BRD4: variants seen among roughly 807,000 people sequenced by gnomAD.
BRD4 encodes the protein bromodomain containing 4.
In BRD4, 16 loss-of-function variants were observed where a neutral mutation model predicts 142.1. That is an observed-to-expected ratio of 0.11 (90% CI 0.08 to 0.17). The LOEUF (loss-of-function observed/expected upper bound fraction) is 0.17, where lower values mean the gene tolerates loss of function less well. Among genes scored for constraint, BRD4 ranks in the 10% least tolerant of loss-of-function variants. The probability of loss-of-function intolerance (pLI) is 1.00; values close to 1 mark genes in which losing one functional copy is unlikely to be tolerated. For missense variants in BRD4, 1,424 were observed against 1,810.9 expected (o/e 0.79, Z 3.88); for synonymous variants, 833 against 707.5 (o/e 1.18, Z -2.82).
At position 15,257,151 on chromosome 19, in the gene BRD4, G is replaced by T; in HGVS notation, c.1364C>A (p.Ala455Asp). ...KLQDVFEMRF[A>D]KMPDEPEEPV... ...CTCCTCAGGCTCGTCCGGCATCTTG[G>T]CAAAGCGCATTTCGAACACATCCTG... The change falls in exon 8 of 20, where the codon GCC (alanine) becomes GAC (aspartate). Residue 455 changes from alanine to aspartate, a missense_variant. Ala to Asp is a moderately radical substitution (Grantham distance 126). Around this residue, in one of 16 missense-constraint regions of BRD4, gnomAD observed 90 missense variants for 93.2 expected, o/e 0.97. Coordinates refer to ENST00000679869, the MANE Select transcript of BRD4 (RefSeq NM_001379291.1). 1 of 1,607,852 alleles carries T rather than the reference G, an allele frequency of 6.2e-7. No individual in the cohort carries two copies. Among genetic ancestry groups the T allele is most frequent in the South Asian group, 1.1e-5 (1 of 90,082 alleles).
intron 1 of BRD4, among the ~76,000 whole-genome samples, chr19:15,276,592 C>T (rs1296622255): frequency 1.3e-5 from 2 of 152,174 alleles, no homozygotes; most frequent in African/African-American, 4.8e-5. Flanking sequence ...AACCTGAAGG[C>T]AGGCTCATCT....
In BRD4 at chr19:15,307,674, G is replaced by C. The variant is rs897334965; in HGVS notation, c.-35+24616C>G. Among the ~76,000 whole-genome samples the C allele has an allele frequency of 7.2e-5, 11 of 152,102 alleles. 1 individual carries two copies. The highest frequency in any genetic ancestry group is 2.7e-4 in the African/African-American group (11 of 41,434). On this transcript the variant is annotated intron_variant, in intron 1 of 19. Coordinates refer to ENST00000679869, the MANE Select transcript of BRD4 (RefSeq NM_001379291.1). ...TGAGCACCTATAGTCCCAACTACTTGAGAGGCTGAGGAGGGAAGAGGATGT... is the reference window on the plus strand; with the variant it reads ...TGAGCACCTATAGTCCCAACTACTTCAGAGGCTGAGGAGGGAAGAGGATGT...
chr19:15,302,161 C>T (rs1217431396), intron 1 of BRD4, among the ~76,000 whole-genome samples: 3 of 149,536 alleles, frequency 2.0e-5, no homozygotes, highest in Admixed American at 2.0e-4. Flanking sequence ...AGTGGGACTT[C>T]ATCTCAAAAA....
chr19:15,254,007 T>C (rs1459358545), intron 11 of BRD4, 145 bp downstream of exon 11: 5 of 747,906 alleles, frequency 6.7e-6, no homozygotes, highest in Non-Finnish European at 1.1e-5. Flanking sequence ...GGGAGACAGT[T>C]AACAAAGAGA....
chr19:15,325,784 A>C (rs2048102240), intron 1 of BRD4, among the ~76,000 whole-genome samples: 1 of 152,046 alleles, frequency 6.6e-6, no homozygotes, highest in Admixed American at 6.6e-5. Context: ...GGATCACCTG[A>C]GGTCGGGAGT....
chr19:15,311,888 A>G (rs1250329022), intron 1 of BRD4, among the ~76,000 whole-genome samples: 1 of 152,224 alleles, frequency 6.6e-6, no homozygotes, highest in Non-Finnish European at 1.5e-5. Context: ...AAACTCATAG[A>G]AACAGAAAGT....
intron 1 of BRD4, among the ~76,000 whole-genome samples, chr19:15,287,678 C>G (rs542424244): frequency 6.6e-6 from 1 of 152,156 alleles, no homozygotes; most frequent in African/African-American, 2.4e-5. Context: ...AGGTACCCAG[C>G]GTGAGTGAAA....
Position 15,331,054 on chromosome 19 carries a change from C to T in BRD4, c.-35+1236G>A, listed in dbSNP as rs149475610. Among the ~76,000 whole-genome samples, 121 of 152,194 alleles carry T rather than the reference C, an allele frequency of 8.0e-4. 1 individual carries two copies. The Middle Eastern group carries it at 0.01, about 13-fold the overall frequency. On this transcript the variant is annotated intron_variant, in intron 1 of 19. Transcript: ENST00000679869. ...TTCCAATTCTCGTGAGGCATACATT[C>T]CAAGGGGTCACTAGCATCCAACACA... is the stretch of plus-strand genomic sequence containing the variant.
Position 15,236,917 on chromosome 19 carries a change from G to A in BRD4, c.*1460C>T, listed in dbSNP as rs1305495949. On this transcript the variant is annotated 3_prime_UTR_variant, in exon 20 of 20. Transcript: ENST00000679869. ...CACCGTATGAAAGTCAAACCAGTCAGTGACTCCAGAGTTTGGCCAACACTG... is the reference window on the plus strand; with the variant it reads ...CACCGTATGAAAGTCAAACCAGTCAATGACTCCAGAGTTTGGCCAACACTG... The A allele has an allele frequency of 9.8e-6, 2 of 204,378 alleles. No individual in the cohort carries two copies. Among genetic ancestry groups the A allele is most frequent in the African/African-American group, 2.3e-5 (1 of 43,558 alleles). The allele number at this position is 204,378 out of a possible 1,614,324, so 12.7% of individuals were successfully genotyped here.
chr19:15,239,211 C>T lies in BRD4; in HGVS notation c.3630G>A (p.Pro1210=), dbSNP rs200270814. ...GSWASLVQKH[P]TTPSSTAKSS... is the part of the protein sequence containing the mutation. Reference sequence around the variant, plus strand: ...ACTTGGCTGTGGAGGAGGGGGTGGTCGGATGCTTCTGCACTAGGCTGGCCC... The same window carrying T: ...ACTTGGCTGTGGAGGAGGGGGTGGTTGGATGCTTCTGCACTAGGCTGGCCC... The change falls in exon 18 of 20, where the codon CCG becomes CCA. Residue 1210 remains proline, a synonymous_variant. Transcript: ENST00000679869. The surrounding 1 kb of genome is among the most constrained non-coding windows in gnomAD (Gnocchi z 7.4). 112 of 1,612,978 alleles carry T rather than the reference C, an allele frequency of 6.9e-5. No individual in the cohort carries two copies. Among genetic ancestry groups the T allele is most frequent in the East Asian group, 3.3e-4 (15 of 44,870 alleles).
chr19:15,292,363 T>C (rs1361443815), intron 1 of BRD4, among the ~76,000 whole-genome samples: 1 of 152,190 alleles, frequency 6.6e-6, no homozygotes, highest in Non-Finnish European at 1.5e-5. Flanking sequence ...CTGCCTCTGC[T>C]GCTGGAAATG....
chr19:15,238,485 A>C lies in BRD4; in HGVS notation c.4021-40T>G, dbSNP rs1315066965. On this transcript the variant is annotated intron_variant, in intron 19 of 19. Transcript: ENST00000679869. The surrounding 1 kb of genome is among the most constrained non-coding windows in gnomAD (Gnocchi z 7.2). ...AAGGAGGGAGTCAGGAGGATGACCTAGCCACCCTGCAGCTACAAGCCCTCA... is the reference window on the plus strand; with the variant it reads ...AAGGAGGGAGTCAGGAGGATGACCTCGCCACCCTGCAGCTACAAGCCCTCA... 6.2e-7 allele frequency: 1 copy of C among 1,613,182 alleles called. No individual in the cohort carries two copies. Among genetic ancestry groups the C allele is most frequent in the South Asian group, 1.1e-5 (1 of 91,006 alleles).
At chr19:15,254,039 C>G (rs1324924099) in intron 11 of BRD4, 113 bp downstream of exon 11, 1 of 885,132 alleles carries the variant, frequency 1.1e-6, no homozygotes, top group Non-Finnish European at 1.8e-6. Flanking sequence ...AGGAACCCAG[C>G]AAGTTCTGGG....
At chr19:15,277,687 G>C (rs1011742339) in intron 1 of BRD4, among the ~76,000 whole-genome samples, 1 of 151,590 alleles carries the variant, frequency 6.6e-6, no homozygotes, top group Non-Finnish European at 1.5e-5. Flanking sequence ...CTACTCAGGA[G>C]GCTGAGGCAG....
chr19:15,329,695 C>T (rs2048140318), intron 1 of BRD4, among the ~76,000 whole-genome samples: 3 of 152,124 alleles, frequency 2.0e-5, no homozygotes, highest in African/African-American at 7.2e-5. Context: ...GCCGAGATCG[C>T]ACCACTGCAC....
chr19:15,274,217 G>A (rs2047621715), intron 1 of BRD4, among the ~76,000 whole-genome samples: 1 of 152,198 alleles, frequency 6.6e-6, no homozygotes, highest in African/African-American at 2.4e-5. Flanking sequence ...CACACCAAGT[G>A]ACTGGACACA....
intron 1 of BRD4, among the ~76,000 whole-genome samples, chr19:15,327,004 C>A (rs1275256696): frequency 1.3e-5 from 2 of 152,148 alleles, no homozygotes; most frequent in African/African-American, 2.4e-5. Flanking sequence ...ATGTAAAAAA[C>A]CAAACGGTGA....
intron 11 of BRD4, among the ~76,000 whole-genome samples, chr19:15,252,104 G>A (rs993419319): frequency 7.9e-5 from 12 of 152,106 alleles, no homozygotes; most frequent in Non-Finnish European, 1.6e-4. Flanking sequence ...TCTCGGCAGC[G>A]GCAGGAGGGG....
intron 11 of BRD4, among the ~76,000 whole-genome samples, chr19:15,251,469 C>G (rs2047345866): frequency 1.7e-5 from 2 of 117,454 alleles, no homozygotes; most frequent in East Asian, 2.5e-4. Context: ...GGGCGCGGGC[C>G]TGCAAATCAA....
Sources: allele counts gnomAD v4.1 joint callset (sites outside exome capture counted in the v4.1 genomes callset), GRCh38; gene constraint gnomAD v4.1.1; regional missense constraint gnomAD v4.1.1; non-coding constraint Gnocchi (gnomAD v3.1); transcripts MANE v1.5; gene names NCBI Gene and HGNC (gene_info 2026-07-23, HGNC 2026-07-21).